The following MARCHF1 variants were observed in gnomAD, a reference collection of about 807,000 sequenced individuals.
MARCHF1 encodes the protein E3 ubiquitin-protein ligase MARCHF1.
Under a neutral mutation model 54.2 loss-of-function variants are expected in MARCHF1, and 40 were observed. The ratio of observed to expected loss-of-function variants is 0.74; its 90% CI spans 0.57 to 0.96. The LOEUF (loss-of-function observed/expected upper bound fraction) is 0.96, where lower values mean the gene tolerates loss of function less well. Among genes scored for constraint, MARCHF1 ranks in the 40% least tolerant of loss-of-function variants. The pLI, the probability that MARCHF1 is intolerant of heterozygous loss-of-function variation, is 0.00. For synonymous variants in MARCHF1, 236 were observed against 236.3 expected, an observed-to-expected ratio of 1.00 and a Z score of 0.01; for missense variants, 586 against 656.5, an observed-to-expected ratio of 0.89 and a Z score of 1.17.
intron 3 of MARCHF1, among the ~76,000 whole-genome samples, chr4:163,911,011 T>C (rs1365458232): frequency 6.6e-6 from 1 of 152,168 alleles, no homozygotes. Flanking sequence ...AGCATTACTG[T>C]GGGGGAAAAT....
At chr4:163,715,114 T>C (rs552375657) in intron 4 of MARCHF1, among the ~76,000 whole-genome samples, 1 of 152,382 alleles carries the variant, frequency 6.6e-6, no homozygotes, top group African/African-American at 2.4e-5. Context: ...GGTCATAGTA[T>C]ATTATAATTT....
chr4:164,198,374 T>A (rs1731342356), intron 1 of MARCHF1, among the ~76,000 whole-genome samples: 1 of 152,154 alleles, frequency 6.6e-6, no homozygotes, highest in African/African-American at 2.4e-5. Flanking sequence ...GAATAAAATT[T>A]GAGTGGCATG....
chr4:163,906,698 A>C (rs1432611006), intron 3 of MARCHF1, among the ~76,000 whole-genome samples: 1 of 151,688 alleles, frequency 6.6e-6, no homozygotes, highest in Non-Finnish European at 1.5e-5. Context: ...CTACTCTCAA[A>C]GTCCTATGAA....
In MARCHF1 at chr4:163,699,721, A is replaced by T. The variant is rs1227557540; in HGVS notation, c.162+1092T>A. Among the ~76,000 whole-genome samples, 4 of 152,160 alleles carry T rather than the reference A, an allele frequency of 2.6e-5. No individual in the cohort carries two copies. The East Asian group carries it at 7.7e-4, about 29-fold the overall frequency. On this transcript the variant is annotated intron_variant, in intron 5 of 9. Transcript: ENST00000514618. ...GAAATGGAATCTCTAATGGTGACAAATCCATCTTGCTTCTAATTATATTTT... is the reference window on the plus strand; with the variant it reads ...GAAATGGAATCTCTAATGGTGACAATTCCATCTTGCTTCTAATTATATTTT...
chr4:163,676,105 G>A (rs1255586941), intron 5 of MARCHF1, among the ~76,000 whole-genome samples: 1 of 151,426 alleles, frequency 6.6e-6, no homozygotes, highest in Non-Finnish European at 1.5e-5. Context: ...CACTTTGGGA[G>A]GCCGAGGTGG....
At chr4:163,715,041 A>G (rs1047218084) in intron 4 of MARCHF1, among the ~76,000 whole-genome samples, 7 of 152,202 alleles carry the variant, frequency 4.6e-5, no homozygotes, top group Non-Finnish European at 1.5e-5. Context: ...AAAAAGTCAC[A>G]TCTGTTTTTA....
chr4:163,745,929 A>AC (rs546742275), intron 4 of MARCHF1, among the ~76,000 whole-genome samples: 63 of 152,294 alleles, frequency 4.1e-4, no homozygotes, highest in African/African-American at 1.5e-3. Context: ...TATTCCTCTT[A>AC]CTGCCACAAG....
intron 1 of MARCHF1, among the ~76,000 whole-genome samples, chr4:164,375,208 A>G (rs1242436175): frequency 6.6e-6 from 1 of 152,194 alleles, no homozygotes; most frequent in African/African-American, 2.4e-5. Context: ...GTAACATCTA[A>G]TAGACCTTTG....
intron 2 of MARCHF1, among the ~76,000 whole-genome samples, chr4:164,016,977 C>T (rs1173272555): frequency 1.3e-5 from 2 of 151,632 alleles, no homozygotes; most frequent in African/African-American, 4.8e-5. Flanking sequence ...TTGGAAAAAA[C>T]CCTCATGAAC....
At chr4:164,144,269 G>A (rs1258638907) in intron 1 of MARCHF1, among the ~76,000 whole-genome samples, 1 of 151,624 alleles carries the variant, frequency 6.6e-6, no homozygotes, top group Non-Finnish European at 1.5e-5. Context: ...CAATGAGACA[G>A]AAAGTCAACA....
chr4:164,374,208 A>G (rs1327749461), intron 1 of MARCHF1, among the ~76,000 whole-genome samples: 1 of 152,164 alleles, frequency 6.6e-6, no homozygotes, highest in Non-Finnish European at 1.5e-5. Context: ...AGTATTTTTA[A>G]AATCCACAAG....
intron 4 of MARCHF1, among the ~76,000 whole-genome samples, chr4:163,758,442 G>A (rs10517786): frequency 0.39 from 59,811 of 151,878 alleles, 12,127 homozygotes; most frequent in Non-Finnish European, 0.43. Flanking sequence ...CTAGACTGTC[G>A]TATGTGATAT....
At chr4:164,323,597 CAAAAAAAAAAAAAAAAA>C (rs70952622) in intron 1 of MARCHF1, among the ~76,000 whole-genome samples, 1 of 30,928 alleles carries the variant, frequency 3.2e-5, no homozygotes, top group Non-Finnish European at 5.1e-5. Context: ...GGATGAGTAG[CAAAAAAAAAAAAAAAAA>C]AAAAAAAAAG....
intron 1 of MARCHF1, among the ~76,000 whole-genome samples, chr4:164,331,770 C>T (rs888395493): frequency 3.3e-5 from 5 of 152,086 alleles, no homozygotes; most frequent in African/African-American, 1.2e-4. Context: ...CTGAATACTG[C>T]TCAGTCTTAA....
intron 7 of MARCHF1, among the ~76,000 whole-genome samples, chr4:163,606,143 C>T (rs148281978): frequency 6.6e-6 from 1 of 152,120 alleles, no homozygotes; most frequent in Non-Finnish European, 1.5e-5. Context: ...CCAACCTAAG[C>T]TGGAGCTAGA....
intron 2 of MARCHF1, among the ~76,000 whole-genome samples, chr4:164,074,145 CA>C (rs1211723526): frequency 6.6e-6 from 1 of 152,162 alleles, no homozygotes; most frequent in African/African-American, 2.4e-5. Context: ...TAAATAACCA[CA>C]ATGCAAATTA....
chr4:164,162,663 A>C, intron 1 of MARCHF1, among the ~76,000 whole-genome samples: 1 of 152,118 alleles, frequency 6.6e-6, no homozygotes, highest in Non-Finnish European at 1.5e-5. Context: ...AAAAATACAC[A>C]ACTGAGGTTC....
intron 1 of MARCHF1, among the ~76,000 whole-genome samples, chr4:164,241,743 A>G (rs183723040): frequency 5.9e-5 from 9 of 152,254 alleles, no homozygotes; most frequent in African/African-American, 1.4e-4. Context: ...GGAGTGCCAG[A>G]CAGTGGGCAC....
chr4:163,860,320 T>G (rs975694899), intron 3 of MARCHF1, among the ~76,000 whole-genome samples: 1 of 152,156 alleles, frequency 6.6e-6, no homozygotes, highest in African/African-American at 2.4e-5. Flanking sequence ...TACACTTTCC[T>G]GGGTTTTACT....
Sources: gnomAD v4.1 joint callset for allele counts (sites outside exome capture counted in the v4.1 genomes callset) on GRCh38, gnomAD v4.1.1 for gene constraint, MANE v1.5 for transcripts, NCBI Gene and HGNC (gene_info 2026-07-23, HGNC 2026-07-21) for gene names.